Variants in ZKSCAN8 observed in about 807,000 individuals in gnomAD.
ZKSCAN8 encodes zinc finger with KRAB and SCAN domains 8.
In ZKSCAN8, 27 loss-of-function variants were observed where a neutral mutation model predicts 57.2. That is an observed-to-expected ratio of 0.47 (90% CI 0.35 to 0.65). The LOEUF is 0.65. Among genes scored for constraint, ZKSCAN8 ranks in the 30% least tolerant of loss-of-function variants. The probability of loss-of-function intolerance (pLI) is 0.01; values close to 1 mark genes in which losing one functional copy is unlikely to be tolerated. For synonymous variants in ZKSCAN8, 214 were observed against 248.7 expected (o/e 0.86, Z 1.31); for missense variants, 597 against 696.3 (o/e 0.86, Z 1.60).
chr6:28,152,306 G>A lies in ZKSCAN8; in HGVS notation c.697G>A (p.Glu233Lys). 1.2e-6 allele frequency: 2 copies of A among 1,613,220 alleles called. No homozygotes were observed. The highest frequency in any genetic ancestry group is 1.7e-6 in the Non-Finnish European group (2 of 1,179,758). The stretch of plus-strand genomic sequence containing the variant: ...CATGGCTGTGTCCCTTATTCGAGAG[G>A]AGTGGCTTCTTGATCCATCACAGAA... ...EDMAVSLIRE[E>K]WLLDPSQKDL... The change falls in exon 5 of 6, where the codon GAG (glutamate) becomes AAG (lysine). Residue 233 changes from glutamate to lysine, a missense_variant. Physicochemically the swap from Glu to Lys is moderately conservative, Grantham distance 56 (BLOSUM62 1). Coordinates refer to ENST00000330236, the MANE Select transcript of ZKSCAN8 (RefSeq NM_006298.4).
At chr6:28,142,858 G>C (rs1473392816) in intron 1 of ZKSCAN8, among the ~76,000 whole-genome samples, 1 of 152,164 alleles carries the variant, frequency 6.6e-6, no homozygotes, top group Non-Finnish European at 1.5e-5. Context: ...TGCAATTTGA[G>C]ATAACAAAGC....
rs1765526580 is a variant in ZKSCAN8 at position 28,149,627 on chromosome 6, G to C, written c.559+3G>C. ...GCCCCAAGAGTCACAAGAGAGAGGT[G>C]AGTAGCCAGATTTCATTGATGATAA... is the stretch of plus-strand genomic sequence containing the variant. On this transcript the variant is annotated splice_donor_region_variant and intron_variant, in intron 3 of 5. Coordinates refer to ENST00000330236, the MANE Select transcript of ZKSCAN8 (RefSeq NM_006298.4). 1 of 1,613,436 alleles carries C rather than the reference G, an allele frequency of 6.2e-7. No individual in the cohort carries two copies. Among genetic ancestry groups the C allele is most frequent in the South Asian group, 1.1e-5 (1 of 90,978 alleles).
chr6:28,142,859 A>G (rs1446446353), intron 1 of ZKSCAN8, among the ~76,000 whole-genome samples: 1 of 152,260 alleles, frequency 6.6e-6, no homozygotes, highest in Admixed American at 6.5e-5. Context: ...GCAATTTGAG[A>G]TAACAAAGCA....
At position 28,157,352 on chromosome 6, in the gene ZKSCAN8, A is replaced by C. The variant is rs1765818301; in HGVS notation, c.*3335A>C. 6.6e-6 allele frequency: 1 copy of C among 152,186 alleles called. No individual in the cohort carries two copies. Among genetic ancestry groups the C allele is most frequent in the Admixed American group, 6.5e-5 (1 of 15,286 alleles). The allele number at this position is 152,186 out of a possible 1,614,324, so 9.4% of individuals were successfully genotyped here. A position where few individuals can be genotyped will look rare whatever the true frequency, so the allele number is the denominator to read the frequency against. On this transcript the variant is annotated 3_prime_UTR_variant, in exon 6 of 6. Transcript: ENST00000330236. Reference sequence around the variant, plus strand: ...ATTGTGGGAGCTACAATTCAAGATGAGATTTGGATGGGACACAGCCAAACC... The same window carrying C: ...ATTGTGGGAGCTACAATTCAAGATGCGATTTGGATGGGACACAGCCAAACC...
chr6:28,152,790 C>T (rs1376211990), intron 5 of ZKSCAN8, among the ~76,000 whole-genome samples: 1 of 152,196 alleles, frequency 6.6e-6, no homozygotes, highest in South Asian at 2.1e-4. Context: ...CTCTCCCCAA[C>T]TTTCACCTCA....
rs768581035 is a variant in ZKSCAN8, at chr6:28,153,805, C to T, written c.1525C>T (p.Gln509Ter). The T allele has an allele frequency of 3.7e-6, 6 of 1,613,796 alleles. No homozygotes were observed. Among genetic ancestry groups the T allele is most frequent in the African/African-American group, 1.3e-5 (1 of 74,898 alleles). Residue 509 changes from glutamine (Q) to a stop codon, truncating the protein, a stop_gained, in exon 6 of 6, where the codon CAG becomes TAG. Transcript: ENST00000330236. LOFTEE classifies it high-confidence loss of function. ...FSQKSGLIEH[Q>*]RIHTGERPYK... ...TCAGAAGTCAGGCCTTATTGAACAT[C>T]AGAGAATCCACACTGGAGAAAGACC...
At chr6:28,147,219 T>C (rs1273597893) in intron 1 of ZKSCAN8, among the ~76,000 whole-genome samples, 1 of 144,764 alleles carries the variant, frequency 6.9e-6, no homozygotes, top group Non-Finnish European at 1.5e-5. Flanking sequence ...TTTGAACAAA[T>C]ACTTCACTAA....
At position 28,156,476 on chromosome 6, in the gene ZKSCAN8, CTG is replaced by C. The variant is rs1765786284; in HGVS notation, c.*2463_*2464del. ...GTGTTATATTGGGTGTGAGAAAAGA[CTG>C]TGTCTTGAAAGAATTATCAAAGCTG... On this transcript the variant is annotated 3_prime_UTR_variant, in exon 6 of 6. Coordinates refer to ENST00000330236, the MANE Select transcript of ZKSCAN8 (RefSeq NM_006298.4). The C allele has an allele frequency of 5.9e-6, 2 of 341,192 alleles. No homozygotes were observed. The highest frequency in any genetic ancestry group is 3.1e-4 in the South Asian group (2 of 6,530). 21.1% of individuals were successfully genotyped at this position (341,192 alleles called of 1,614,324 possible).
Position 28,148,771 on chromosome 6 carries a change from G to A in ZKSCAN8, c.364G>A (p.Val122Met), listed in dbSNP as rs1417553145. 1.9e-6 allele frequency: 3 copies of A among 1,614,138 alleles called. No individual in the cohort carries two copies. The highest frequency in any genetic ancestry group is 1.1e-5 in the South Asian group (1 of 91,076). The change falls in exon 2 of 6, where the codon GTG becomes ATG. Residue 122 changes from valine to methionine, a missense_variant. Physicochemically the swap from Val to Met is conservative, Grantham distance 21 (BLOSUM62 1). Transcript: ENST00000330236. ...ACATCAGCTAGAGAACGGAGAGGAG[G>A]TGGTGACCCTATTAGAGGATTTGGA... The part of the protein sequence containing the change: ...KEHQLENGEE[V>M]VTLLEDLERQ...
chr6:28,154,789 G>A lies in ZKSCAN8; in HGVS notation c.*772G>A, dbSNP rs540695058. The A allele has an allele frequency of 6.5e-4, 99 of 152,764 alleles. No homozygotes were observed. The highest frequency in any genetic ancestry group is 2.3e-3 in the African/African-American group (96 of 41,542). The allele number at this position is 152,764 out of a possible 1,614,324, so 9.5% of individuals were successfully genotyped here. A position where few individuals can be genotyped will look rare whatever the true frequency, so the allele number is the denominator to read the frequency against. On this transcript the variant is annotated 3_prime_UTR_variant, in exon 6 of 6. Coordinates refer to ENST00000330236, the MANE Select transcript of ZKSCAN8 (RefSeq NM_006298.4). The stretch of plus-strand genomic sequence containing the variant: ...ATGGGAGTAATACAGAGAAAGAGGT[G>A]AGTGGAGACTCAGCCCAGCTGCTCT...
chr6:28,142,069 CT>C (rs1043572836), intron 1 of ZKSCAN8, 40 bp downstream of exon 1: 3 of 152,454 alleles, frequency 2.0e-5, no homozygotes. Flanking sequence ...AAAGTGGGTG[CT>C]TTGTGGCTGG....
At chr6:28,152,060 T>C in intron 4 of ZKSCAN8, 124 bp downstream of exon 4, 1 of 1,387,852 alleles carries the variant, frequency 7.2e-7, no homozygotes, top group Non-Finnish European at 9.8e-7. Context: ...CCAAAAATTC[T>C]TTTGCCTAGG....
rs753385610 is a variant in ZKSCAN8, at chr6:28,148,785, A to G, written c.378A>G (p.Leu126=). 3.7e-6 allele frequency: 6 copies of G among 1,614,046 alleles called. No homozygotes were observed. The East Asian group carries it at 6.7e-5, about 18-fold the overall frequency. ...LENGEEVVTL[L]EDLERQIDIL... The stretch of plus-strand genomic sequence containing the variant: ...ACGGAGAGGAGGTGGTGACCCTATT[A>G]GAGGATTTGGAAAGGCAGATTGATA... Residue 126 remains leucine (L), a synonymous_variant, in exon 2 of 6, where the codon TTA becomes TTG. Coordinates refer to ENST00000330236, the MANE Select transcript of ZKSCAN8 (RefSeq NM_006298.4).
At chr6:28,146,812 T>C (rs763633421) in intron 1 of ZKSCAN8, among the ~76,000 whole-genome samples, 4 of 152,176 alleles carry the variant, frequency 2.6e-5, no homozygotes, top group Non-Finnish European at 5.9e-5. Flanking sequence ...TACATATACA[T>C]ACATATAGTG....
In ZKSCAN8 at chr6:28,148,402, G is replaced by T. The variant is rs1420426323; in HGVS notation, c.-6G>T. 1 of 1,604,798 alleles carries T rather than the reference G, an allele frequency of 6.2e-7. No homozygotes were observed. Among genetic ancestry groups the T allele is most frequent in the East Asian group, 2.2e-5 (1 of 44,704 alleles). On this transcript the variant is annotated 5_prime_UTR_variant, in exon 2 of 6. Coordinates refer to ENST00000330236, the MANE Select transcript of ZKSCAN8 (RefSeq NM_006298.4). ...GAAACGAACTTCCTGAGCTTTTCAG[G>T]CTCTAATGGCTGAAGAATCAAGAAA...
At position 28,157,300 on chromosome 6, in the gene ZKSCAN8, A is replaced by C. The variant is rs1367277607; in HGVS notation, c.*3283A>C. 6.6e-6 allele frequency: 1 copy of C among 152,204 alleles called. No homozygotes were observed. Among genetic ancestry groups the C allele is most frequent in the African/African-American group, 2.4e-5 (1 of 41,444 alleles). 9.4% of individuals were successfully genotyped at this position (152,204 alleles called of 1,614,324 possible). A position where few individuals can be genotyped will look rare whatever the true frequency, so the allele number is the denominator to read the frequency against. On this transcript the variant is annotated 3_prime_UTR_variant, in exon 6 of 6. Transcript: ENST00000330236. ...TGCCCCCGTGATTCAATTACCTCCC[A>C]CTTGGTCCCACCCACGACACGTGGG...
intron 1 of ZKSCAN8, among the ~76,000 whole-genome samples, chr6:28,148,006 C>T (rs1421610214): frequency 6.6e-6 from 1 of 152,134 alleles, no homozygotes; most frequent in Non-Finnish European, 1.5e-5. Flanking sequence ...GCCCTGAAGG[C>T]CAGCTGAGAT....
intron 4 of ZKSCAN8, 35 bp from the exon 5 acceptor site, chr6:28,152,226 C>T (rs1188875408): frequency 6.3e-7 from 1 of 1,584,108 alleles, no homozygotes. Context: ...GTGGAACAGT[C>T]CCAGTCCCCA....
intron 1 of ZKSCAN8, among the ~76,000 whole-genome samples, chr6:28,147,502 A>T (rs1765435958): frequency 1.3e-5 from 2 of 152,226 alleles, no homozygotes; most frequent in South Asian, 4.1e-4. Context: ...TAAAATGAAA[A>T]CTATATTCAC....
Sources: gnomAD v4.1 joint callset for allele counts (sites outside exome capture counted in the v4.1 genomes callset) on GRCh38, gnomAD v4.1.1 for gene constraint, MANE v1.5 for transcripts, NCBI Gene and HGNC (gene_info 2026-07-23, HGNC 2026-07-21) for gene names.